The following DAB1 variants were observed in gnomAD, a reference collection of about 807,000 sequenced individuals.
DAB1 encodes DAB adaptor protein 1, also known as disabled homolog 1.
Under a neutral mutation model 64.6 loss-of-function variants are expected in DAB1, and 15 were observed. The ratio of observed to expected loss-of-function variants is 0.23; its 90% CI spans 0.16 to 0.36. The LOEUF is 0.36. Among genes scored for constraint, DAB1 ranks in the 10% least tolerant of loss-of-function variants. The probability of loss-of-function intolerance (pLI) is 1.00; values close to 1 mark genes in which losing one functional copy is unlikely to be tolerated. For missense variants in DAB1, 596 were observed against 706.7 expected, an observed-to-expected ratio of 0.84 and a Z score of 1.78; for synonymous variants, 235 against 251.9, an observed-to-expected ratio of 0.93 and a Z score of 0.64.
intron 7 of DAB1, among the ~76,000 whole-genome samples, chr1:57,429,189 T>A (rs1483953398): frequency 6.6e-6 from 1 of 152,198 alleles, no homozygotes; most frequent in Non-Finnish European, 1.5e-5. Context: ...GCTAGGAGTG[T>A]GAGGTGATCT....
At chr1:58,421,550 G>A (rs542585362) in intron 3 of DAB1, among the ~76,000 whole-genome samples, 9 of 152,294 alleles carry the variant, frequency 5.9e-5, no homozygotes, top group African/African-American at 2.2e-4. Flanking sequence ...ACATTTCGGG[G>A]AAGGTAGCAG....
At chr1:57,283,158 T>G (rs1672049351) in intron 2 of DAB1, among the ~76,000 whole-genome samples, 1 of 152,228 alleles carries the variant, frequency 6.6e-6, no homozygotes, top group African/African-American at 2.4e-5. Flanking sequence ...GAGTTAGGCT[T>G]ATTAGGGAAA....
At chr1:57,018,754 T>G (rs909457223) in intron 11 of DAB1, among the ~76,000 whole-genome samples, 1 of 152,178 alleles carries the variant, frequency 6.6e-6, no homozygotes, top group Non-Finnish European at 1.5e-5. Flanking sequence ...ATATGGTACT[T>G]CATTGTCTTA....
intron 7 of DAB1, among the ~76,000 whole-genome samples, chr1:57,632,437 C>T (rs1017715592): frequency 2.6e-5 from 4 of 152,176 alleles, no homozygotes; most frequent in Non-Finnish European, 5.9e-5. Context: ...AGTATCAGTA[C>T]TCTATGAGAC....
chr1:58,514,629 G>A (rs1646131494), intron 2 of DAB1, among the ~76,000 whole-genome samples: 1 of 152,176 alleles, frequency 6.6e-6, no homozygotes, highest in African/African-American at 2.4e-5. Context: ...ACATAGACAT[G>A]TGATAGGTAA....
At chr1:57,845,998 C>G (rs949528167) in intron 1 of DAB1, among the ~76,000 whole-genome samples, 2 of 152,140 alleles carry the variant, frequency 1.3e-5, no homozygotes, top group African/African-American at 4.8e-5. Flanking sequence ...AATGAAGATG[C>G]TGTCTGCACA....
intron 4 of DAB1, among the ~76,000 whole-genome samples, chr1:58,286,815 TG>T (rs1661696440): frequency 6.6e-6 from 1 of 152,232 alleles, no homozygotes; most frequent in Non-Finnish European, 1.5e-5. Context: ...ATTGCATTAC[TG>T]GGTACATACC....
chr1:58,060,674 A>C (rs10443243), intron 5 of DAB1, among the ~76,000 whole-genome samples: 31,361 of 152,110 alleles, frequency 0.21, 3,639 homozygotes, highest in East Asian at 0.31. Context: ...TCCTGGCCTG[A>C]GAACAGAGAA....
chr1:57,147,204 G>T (rs916181829), intron 2 of DAB1, among the ~76,000 whole-genome samples: 8 of 151,950 alleles, frequency 5.3e-5, no homozygotes, highest in African/African-American at 1.9e-4. Flanking sequence ...CTATATTTTT[G>T]TAGAGATGGG....
intron 7 of DAB1, among the ~76,000 whole-genome samples, chr1:57,438,407 A>G (rs1685780416): frequency 6.6e-6 from 1 of 151,830 alleles, no homozygotes; most frequent in African/African-American, 2.4e-5. Flanking sequence ...TTTTTTTCCT[A>G]TGGCCAATAA....
At chr1:57,883,643 C>A (rs1644179168) in intron 1 of DAB1, among the ~76,000 whole-genome samples, 1 of 152,192 alleles carries the variant, frequency 6.6e-6, no homozygotes, top group African/African-American at 2.4e-5. Flanking sequence ...GATAGCAGGA[C>A]TCTCTATTTC....
At chr1:57,940,784 G>A (rs1299721340) in intron 5 of DAB1, among the ~76,000 whole-genome samples, 1 of 152,124 alleles carries the variant, frequency 6.6e-6, no homozygotes, top group East Asian at 1.9e-4. Context: ...TGCCCAATTC[G>A]AGAAGCCCTT....
chr1:57,481,078 C>A (rs1182702379), intron 7 of DAB1, among the ~76,000 whole-genome samples: 3 of 152,138 alleles, frequency 2.0e-5, no homozygotes, highest in Non-Finnish European at 4.4e-5. Context: ...GTAGTCCAGG[C>A]ACTACCAAGA....
chr1:57,900,868 G>A (rs1220379297), intron 5 of DAB1, among the ~76,000 whole-genome samples: 5 of 152,088 alleles, frequency 3.3e-5, no homozygotes, highest in African/African-American at 4.8e-5. Context: ...GATTCTATGG[G>A]GGCAGGGACT....
intron 5 of DAB1, among the ~76,000 whole-genome samples, chr1:58,051,359 C>T (rs756829262): frequency 1.5e-4 from 23 of 152,102 alleles, no homozygotes; most frequent in Non-Finnish European, 3.2e-4. Flanking sequence ...TCATCCATGT[C>T]CCTTCAAAGG....
intron 1 of DAB1, among the ~76,000 whole-genome samples, chr1:57,309,890 AAGG>A (rs1674522999): frequency 1.3e-5 from 2 of 152,308 alleles, no homozygotes; most frequent in East Asian, 3.9e-4. Context: ...ATCACAAGAG[AAGG>A]AGTTGGGCAA....
intron 4 of DAB1, among the ~76,000 whole-genome samples, chr1:58,208,928 A>G (rs1280877745): frequency 1.3e-5 from 2 of 152,200 alleles, no homozygotes; most frequent in Non-Finnish European, 2.9e-5. Flanking sequence ...ACGACTCATT[A>G]AAGCAAAAAT....
chr1:58,475,169 G>A lies in DAB1; in HGVS notation n.257+30891C>T, dbSNP rs116340168. On this transcript the variant is annotated intron_variant and non_coding_transcript_variant, in intron 3 of 20. Transcript: ENST00000485760. ...ATTAGATTAATTATTAGTAGTAGTA[G>A]TATTGAAACTGAGTCTTGCTCTGTC... Among the ~76,000 whole-genome samples the A allele has an allele frequency of 7.7e-3, 1,178 of 152,194 alleles. 21 individuals are homozygous for A. Among genetic ancestry groups the A allele is most frequent in the African/African-American group, 0.027 (1,128 of 41,526 alleles).
At chr1:58,098,283 A>C (rs116194182) in intron 5 of DAB1, among the ~76,000 whole-genome samples, 4,442 of 152,232 alleles carry the variant, frequency 0.029, 200 homozygotes, top group African/African-American at 0.1. Context: ...GTGTAGGACA[A>C]GCAAAGGGAA....
Sources: gnomAD v4.1 joint callset for allele counts (sites outside exome capture counted in the v4.1 genomes callset) on GRCh38, gnomAD v4.1.1 for gene constraint, MANE v1.5 for transcripts, NCBI Gene and HGNC (gene_info 2026-07-23, HGNC 2026-07-21) for gene names.